Variants in ZNF610 observed in about 807,000 individuals in gnomAD.
The protein encoded by ZNF610 is zinc finger protein 610, also known as zink finger protein.
In ZNF610, 14 loss-of-function variants were observed where a neutral mutation model predicts 14.1. The observed-to-expected ratio is 0.99, with a 90% confidence interval of 0.65 to 1.55. The LOEUF is 1.55. ZNF610 is among the 40% of genes most tolerant of loss of function. ZNF610 has a pLI of 0.00. For synonymous variants in ZNF610, 185 were observed against 187.6 expected, an observed-to-expected ratio of 0.99 and a Z score of 0.11; for missense variants, 530 against 558.0, an observed-to-expected ratio of 0.95 and a Z score of 0.51.
intron 5 of ZNF610, among the ~76,000 whole-genome samples, chr19:52,362,393 G>A (rs1377323456): frequency 6.6e-6 from 1 of 152,178 alleles, no homozygotes; most frequent in Non-Finnish European, 1.5e-5. Flanking sequence ...CCTGGTGACA[G>A]AGCGAGACTC....
At chr19:52,339,939 G>T (rs1984595384) in intron 1 of ZNF610, among the ~76,000 whole-genome samples, 1 of 152,146 alleles carries the variant, frequency 6.6e-6, no homozygotes, top group Non-Finnish European at 1.5e-5. Flanking sequence ...GATTACAGGC[G>T]TGAGCCACCG....
At chr19:52,345,624 T>C (rs1435987611) in intron 1 of ZNF610, 1 of 152,224 alleles carries the variant, frequency 6.6e-6, no homozygotes, top group East Asian at 1.9e-4. Flanking sequence ...CAGAAACTTG[T>C]ACAGACCTCA....
chr19:52,331,950 C>G (rs143467836), upstream of ZNF610, among the ~76,000 whole-genome samples: 249 of 152,304 alleles, frequency 1.6e-3, 1 homozygote, highest in African/African-American at 5.7e-3. Context: ...TTATAAGTGG[C>G]ATCACGAAGT....
At chr19:52,356,536 C>T (rs1985530202) in intron 5 of ZNF610, among the ~76,000 whole-genome samples, 1 of 151,954 alleles carries the variant, frequency 6.6e-6, no homozygotes, top group African/African-American at 2.4e-5. Flanking sequence ...CAGGGAATGG[C>T]CATTGATTTA....
intron 5 of ZNF610, among the ~76,000 whole-genome samples, chr19:52,360,292 G>A (rs2657939): frequency 0.18 from 27,674 of 152,050 alleles, 2,866 homozygotes; most frequent in East Asian, 0.32. Context: ...GGGGCCTACC[G>A]TACCCAACAC....
At chr19:52,359,657 A>G (rs1200380245) in intron 5 of ZNF610, among the ~76,000 whole-genome samples, 2 of 152,176 alleles carry the variant, frequency 1.3e-5, no homozygotes, top group African/African-American at 4.8e-5. Context: ...ACAGAATAAG[A>G]CTTCCGTGAC....
At chr19:52,338,927 C>T (rs1387404692) in intron 1 of ZNF610, among the ~76,000 whole-genome samples, 6 of 149,680 alleles carry the variant, frequency 4.0e-5, no homozygotes, top group Non-Finnish European at 7.4e-5. Flanking sequence ...GGACCCGCGC[C>T]GGCCCGGTCT....
At chr19:52,341,571 G>A (rs1196369018) in intron 1 of ZNF610, among the ~76,000 whole-genome samples, 1 of 152,020 alleles carries the variant, frequency 6.6e-6, no homozygotes, top group African/African-American at 2.4e-5. Flanking sequence ...GCCTCCCAAA[G>A]TGCTGGGTTT....
intron 5 of ZNF610, among the ~76,000 whole-genome samples, chr19:52,359,196 A>G (rs1409359500): frequency 1.3e-5 from 2 of 152,208 alleles, no homozygotes; most frequent in African/African-American, 4.8e-5. Flanking sequence ...GATTTTGCTA[A>G]AGAGTTCACT....
chr19:52,342,590 G>A (rs1984738398), intron 1 of ZNF610, among the ~76,000 whole-genome samples: 1 of 150,998 alleles, frequency 6.6e-6, no homozygotes, highest in Admixed American at 6.6e-5. Flanking sequence ...CGCAATCTCG[G>A]CTCATTGGAA....
chr19:52,359,077 G>A (rs1325842051), intron 5 of ZNF610, among the ~76,000 whole-genome samples: 1 of 152,204 alleles, frequency 6.6e-6, no homozygotes, highest in African/African-American at 2.4e-5. Flanking sequence ...TAATCATGCA[G>A]TGTAACACCT....
chr19:52,357,336 C>T (rs1473261393), intron 5 of ZNF610, among the ~76,000 whole-genome samples: 2 of 151,988 alleles, frequency 1.3e-5, no homozygotes, highest in Non-Finnish European at 2.9e-5. Flanking sequence ...CATAATGAGA[C>T]GTTATCTCTA....
chr19:52,363,390 C>A (rs1432785366), intron 5 of ZNF610, among the ~76,000 whole-genome samples: 1 of 152,162 alleles, frequency 6.6e-6, no homozygotes, highest in Non-Finnish European at 1.5e-5. Context: ...CTCAGCCTCC[C>A]AAAGTGCTGG....
chr19:52,348,304 A>G (rs1224913637), intron 2 of ZNF610: 3 of 152,212 alleles, frequency 2.0e-5, no homozygotes, highest in African/African-American at 7.2e-5. Flanking sequence ...ATAATGGATT[A>G]TTTTTAATGG....
chr19:52,355,786 TC>T (rs1985495080), intron 5 of ZNF610, among the ~76,000 whole-genome samples: 1 of 152,228 alleles, frequency 6.6e-6, no homozygotes. Context: ...GCAGGATGTT[TC>T]TAAGGATACA....
At chr19:52,365,546 C>T (rs993175259) in intron 5 of ZNF610, 152 bp from the exon 6 acceptor site, 15 of 699,368 alleles carry the variant, frequency 2.1e-5, no homozygotes, top group Admixed American at 8.4e-5. Flanking sequence ...TCACGTCACC[C>T]CCTTGTGTTT....
intron 5 of ZNF610, among the ~76,000 whole-genome samples, chr19:52,365,229 C>T (rs545335378): frequency 1.9e-3 from 279 of 145,442 alleles, no homozygotes; most frequent in African/African-American, 6.7e-3. Flanking sequence ...CAGAGAGAGA[C>T]TCCGTCTCAA....
At chr19:52,340,024 G>A (rs114770070) in intron 1 of ZNF610, among the ~76,000 whole-genome samples, 3,102 of 152,284 alleles carry the variant, frequency 0.02, 104 homozygotes, top group African/African-American at 0.071. Context: ...CCTTTAACCC[G>A]TGGAATCTGT....
At chr19:52,339,093 T>C (rs888102154) in intron 1 of ZNF610, among the ~76,000 whole-genome samples, 4 of 152,000 alleles carry the variant, frequency 2.6e-5, no homozygotes, top group Admixed American at 2.0e-4. Flanking sequence ...TTGATGTGCA[T>C]GTATACAAAC....
Sources: gnomAD v4.1 joint callset for allele counts (sites outside exome capture counted in the v4.1 genomes callset) on GRCh38, gnomAD v4.1.1 for gene constraint, MANE v1.5 for transcripts, NCBI Gene and HGNC (gene_info 2026-07-23, HGNC 2026-07-21) for gene names.